Variants in LSG1 observed in about 807,000 individuals in gnomAD.
LSG1 encodes large subunit GTPase 1 homolog.
In LSG1, 55 loss-of-function variants were observed where a neutral mutation model predicts 82.6. That is an observed-to-expected ratio of 0.67 (90% CI 0.54 to 0.83). The LOEUF (loss-of-function observed/expected upper bound fraction) is 0.83, where lower values mean the gene tolerates loss of function less well. LSG1 is among the 40% of genes least tolerant of loss of function. The pLI is 0.00. For missense variants in LSG1, 809 were observed against 807.9 expected, an observed-to-expected ratio of 1.00 and a Z score of -0.02; for synonymous variants, 272 against 282.5, an observed-to-expected ratio of 0.96 and a Z score of 0.37.
Position 194,644,649 on chromosome 3 carries a change from T to C in LSG1, c.1721A>G (p.Glu574Gly), listed in dbSNP as rs766280938. The change falls in exon 13 of 14, where the codon GAA becomes GGA. Residue 574 changes from glutamate (E) to glycine (G), a missense_variant. Transcript: ENST00000265245. ...RLLENKMNSD[E>G]IKMQLGRNKK... ...ATTTCTGCCTAGCTGCATTTTTATT[T>C]CATCACTGTTCATTTTGTTCTCTAG... 3.1e-6 allele frequency: 5 copies of C among 1,612,838 alleles called. No individual in the cohort carries two copies. The South Asian group carries it at 3.3e-5, about 11-fold the overall frequency.
rs886159653 is a variant in LSG1, at chr3:194,657,489, G to A, written c.759+1468C>T. Among the ~76,000 whole-genome samples the A allele has an allele frequency of 2.8e-5, 4 of 145,286 alleles. No individual in the cohort carries two copies. In the South Asian group the frequency reaches 8.7e-4, roughly 32 times the overall value. ...TTTTTTTTTTTTTTGATATTTGAGG[G>A]ATTCGGTTGCTCACAGGTTTAATGA... On this transcript the variant is annotated intron_variant, in intron 7 of 13. Coordinates refer to ENST00000265245, the MANE Select transcript of LSG1 (RefSeq NM_018385.3).
intron 12 of LSG1, among the ~76,000 whole-genome samples, chr3:194,645,621 CAG>C (rs1180338128): frequency 1.4e-5 from 2 of 143,366 alleles, no homozygotes; most frequent in African/African-American, 2.6e-5. Context: ...CACACACACA[CAG>C]AGTTTTCATT....
chr3:194,664,446 A>T (rs1718992216), intron 5 of LSG1, among the ~76,000 whole-genome samples: 1 of 152,180 alleles, frequency 6.6e-6, no homozygotes, highest in Non-Finnish European at 1.5e-5. Flanking sequence ...GTAATTCAGA[A>T]ACTCTTTGAG....
chr3:194,648,675 A>G lies in LSG1; in HGVS notation c.1543+6T>C, dbSNP rs1023265968. Reference sequence around the variant, plus strand: ...TGTTCACATTTTCTGATGAATCACAACTTACATCCATAAGCTGTCAACAGT... The same window carrying G: ...TGTTCACATTTTCTGATGAATCACAGCTTACATCCATAAGCTGTCAACAGT... On this transcript the variant is annotated splice_donor_region_variant and intron_variant, in intron 11 of 13. Transcript: ENST00000265245. The G allele has an allele frequency of 6.2e-6, 10 of 1,613,598 alleles. No homozygotes were observed. The highest frequency in any genetic ancestry group is 7.6e-6 in the Non-Finnish European group (9 of 1,179,742).
intron 7 of LSG1, among the ~76,000 whole-genome samples, chr3:194,656,084 G>A (rs1718784099): frequency 1.3e-5 from 2 of 151,974 alleles, no homozygotes; most frequent in African/African-American, 4.8e-5. Context: ...TCAGGACACA[G>A]GCATGGGCAA....
intron 10 of LSG1, 122 bp from the exon 11 acceptor site, chr3:194,648,926 GA>G: frequency 1.0e-6 from 1 of 960,562 alleles, no homozygotes; most frequent in Non-Finnish European, 1.6e-6. Context: ...CTCTCCAAAG[GA>G]AGAGGATAGT....
intron 5 of LSG1, among the ~76,000 whole-genome samples, chr3:194,663,246 C>T (rs1408575832): frequency 6.6e-6 from 1 of 152,208 alleles, no homozygotes; most frequent in Non-Finnish European, 1.5e-5. Flanking sequence ...GAAGAGGCTA[C>T]TCTGCTCCAC....
chr3:194,669,946 A>G, intron 2 of LSG1, 63 bp downstream of exon 2: 1 of 1,562,788 alleles, frequency 6.4e-7, no homozygotes, highest in Non-Finnish European at 8.6e-7. Context: ...AAAAAACAAA[A>G]AAAACCTCAG....
chr3:194,669,729 C>T (rs908740921), intron 2 of LSG1, among the ~76,000 whole-genome samples: 1 of 152,126 alleles, frequency 6.6e-6, no homozygotes, highest in Non-Finnish European at 1.5e-5. Context: ...GTCAGGAGAT[C>T]AAGAACATCC....
chr3:194,672,156 G>T lies in LSG1; in HGVS notation c.7C>A (p.Arg3=), dbSNP rs202080616. Residue 3 remains arginine, a synonymous_variant, in exon 1 of 14, where the codon CGG becomes AGG. Coordinates refer to ENST00000265245, the MANE Select transcript of LSG1 (RefSeq NM_018385.3). MG[R]RRAPAGGSLG... is the part of the protein sequence containing the mutation. ...GACCCACCGGCCGGGGCTCTCCTCC[G>T]GCCCATGGCAACACGACCGCTGGAC... 1.2e-6 allele frequency: 2 copies of T among 1,601,752 alleles called. No homozygotes were observed. Among genetic ancestry groups the T allele is most frequent in the African/African-American group, 1.3e-5 (1 of 74,964 alleles).
At chr3:194,671,890 T>C in intron 1 of LSG1, 174 bp downstream of exon 1, 3 of 672,674 alleles carry the variant, frequency 4.5e-6, no homozygotes, top group South Asian at 1.6e-5. Flanking sequence ...TACCTTTGTG[T>C]TCTGGGCCTT....
intron 8 of LSG1, among the ~76,000 whole-genome samples, chr3:194,652,400 C>A (rs910738349): frequency 5.3e-5 from 8 of 152,242 alleles, no homozygotes; most frequent in Non-Finnish European, 5.9e-5. Context: ...CCAAAGAACA[C>A]TGGGCTGAAG....
intron 2 of LSG1, among the ~76,000 whole-genome samples, chr3:194,669,655 C>T (rs1347861838): frequency 3.3e-5 from 5 of 152,270 alleles, no homozygotes; most frequent in East Asian, 3.9e-4. Flanking sequence ...AGACTCAGGG[C>T]GGGCACGGTG....
Position 194,659,176 on chromosome 3 carries a change from T to TA in LSG1, c.583-44dup, listed in dbSNP as rs11357453. ...ATTTAGAAAGACCTCTTCAAACAAGTAAAAAAATGAGGCTAATTATATTAA... is the reference window on the plus strand; with the variant it reads ...ATTTAGAAAGACCTCTTCAAACAAGTAAAAAAAATGAGGCTAATTATATTAA... On this transcript the variant is annotated intron_variant, in intron 6 of 13. Transcript: ENST00000265245. The TA allele has an allele frequency of 2.0e-5, 30 of 1,469,452 alleles. No homozygotes were observed. In the East Asian group the frequency reaches 5.1e-4, roughly 25 times the overall value. 91.0% of individuals were successfully genotyped at this position (1,469,452 alleles called of 1,614,324 possible).
Position 194,653,019 on chromosome 3 carries a change from T to C in LSG1, c.883A>G (p.Ser295Gly), listed in dbSNP as rs1718710608. The C allele has an allele frequency of 6.2e-7, 1 of 1,614,074 alleles. No homozygotes were observed. Among genetic ancestry groups the C allele is most frequent in the African/African-American group, 1.3e-5 (1 of 74,936 alleles). The change falls in exon 8 of 14, where the codon AGT becomes GGT. Residue 295 changes from serine (S) to glycine (G), a missense_variant. Ser to Gly is a moderately conservative substitution (Grantham distance 56). Coordinates refer to ENST00000265245, the MANE Select transcript of LSG1 (RefSeq NM_018385.3). ...TCTTCATCCGTTGTGGGATTTTCAC[T>C]AAGTGAAGGAGAATCCCTAGCTGGG... ...HLPARDSPSL[S>G]ENPTTDEDDS... is the part of the protein sequence containing the mutation.
chr3:194,670,400 A>C (rs1020510340), intron 1 of LSG1, among the ~76,000 whole-genome samples: 4 of 152,238 alleles, frequency 2.6e-5, no homozygotes, highest in Non-Finnish European at 5.9e-5. Context: ...CTAAGGCTTC[A>C]GCAGATAAAA....
rs1560219779 is a variant in LSG1 at position 194,645,559 on chromosome 3, CACACACACACAG to C, written c.1623+593_1623+604del. Reference sequence around the variant, plus strand: ...AGACACACACACACACACACACACACACACACACACAGACAGACACACACACACACACACACA... The same window carrying C: ...AGACACACACACACACACACACACACACAGACACACACACACACACACACA... On this transcript the variant is annotated intron_variant, in intron 12 of 13. Transcript: ENST00000265245. Among the ~76,000 whole-genome samples the C allele has an allele frequency of 1.1e-3, 51 of 47,216 alleles. 5 individuals are homozygous for C. Among genetic ancestry groups the C allele is most frequent in the South Asian group, 9.2e-3 (9 of 974 alleles). The allele number at this position is 47,216 out of a possible 152,430, so 31.0% of individuals were successfully genotyped here. A position where few individuals can be genotyped will look rare whatever the true frequency, so the allele number is the denominator to read the frequency against.
intron 5 of LSG1, among the ~76,000 whole-genome samples, chr3:194,663,965 G>A (rs1718982345): frequency 6.6e-6 from 1 of 152,100 alleles, no homozygotes; most frequent in South Asian, 2.1e-4. Context: ...TACAAGTTTA[G>A]TCCAAGTACT....
intron 8 of LSG1, chr3:194,651,543 A>C (rs1718674432): frequency 3.3e-6 from 1 of 305,570 alleles, no homozygotes; most frequent in African/African-American, 2.2e-5. Flanking sequence ...TTTCCATCGC[A>C]TCTTCCACAC....
Sources: gnomAD v4.1 joint callset for allele counts (sites outside exome capture counted in the v4.1 genomes callset) on GRCh38, gnomAD v4.1.1 for gene constraint, MANE v1.5 for transcripts, NCBI Gene and HGNC (gene_info 2026-07-23, HGNC 2026-07-21) for gene names.